The following YWHAG variants were observed in gnomAD, a reference collection of about 807,000 sequenced individuals.
The protein encoded by YWHAG is 14-3-3 protein gamma.
A neutral mutation model predicts 23.3 loss-of-function variants in YWHAG; 1 was observed. That is an observed-to-expected ratio of 0.04 (90% CI 0.02 to 0.20). The LOEUF is 0.20. Ranked by LOEUF, YWHAG falls within the 10% of genes least tolerant of loss-of-function variation. The probability of loss-of-function intolerance (pLI) is 1.00; values close to 1 mark genes in which losing one functional copy is unlikely to be tolerated. For synonymous variants in YWHAG, 160 were observed against 144.0 expected, an observed-to-expected ratio of 1.11 and a Z score of -0.80; for missense variants, 151 against 338.6, an observed-to-expected ratio of 0.45 and a Z score of 4.35.
chr7:76,341,437 T>G (rs1159825042), intron 1 of YWHAG, among the ~76,000 whole-genome samples: 2 of 104,472 alleles, frequency 1.9e-5, no homozygotes, highest in Non-Finnish European at 3.9e-5. Context: ...AAAAGAGAAA[T>G]CTTGTAATGT....
chr7:76,338,208 T>C (rs1203737043), intron 1 of YWHAG, among the ~76,000 whole-genome samples: 1 of 152,188 alleles, frequency 6.6e-6, no homozygotes, highest in East Asian at 1.9e-4. Flanking sequence ...CATAGCAAAC[T>C]GCATGGAAAC....
Position 76,334,279 on chromosome 7 carries a change from TAA to T in YWHAG, c.88-4048_88-4047del, listed in dbSNP as rs1803586352. Among the ~76,000 whole-genome samples the T allele has an allele frequency of 3.3e-5, 5 of 152,322 alleles. No individual in the cohort carries two copies. The East Asian group carries it at 9.6e-4, about 29-fold the overall frequency. ...CATATTAGTTTTAAAGGTCAACAGA[TAA>T]CCTCTTAAAAGAACAAGTTATTCTA... On this transcript the variant is annotated intron_variant, in intron 1 of 1. Coordinates refer to ENST00000307630, the MANE Select transcript of YWHAG (RefSeq NM_012479.4).
At position 76,358,851 on chromosome 7, in the gene YWHAG, G is replaced by C. The variant is rs766270143; in HGVS notation, c.-43C>G. On this transcript the variant is annotated 5_prime_UTR_variant, in exon 1 of 2. Transcript: ENST00000307630. ...TGGCCGGAGAAGGAGGAGGACACTGGGGCGGCCTGAAGGGCTTGGAGGGCG... is the reference window on the plus strand; with the variant it reads ...TGGCCGGAGAAGGAGGAGGACACTGCGGCGGCCTGAAGGGCTTGGAGGGCG... 1 of 1,563,746 alleles carries C rather than the reference G, an allele frequency of 6.4e-7. No homozygotes were observed. The highest frequency in any genetic ancestry group is 8.7e-7 in the Non-Finnish European group (1 of 1,153,716).
intron 1 of YWHAG, among the ~76,000 whole-genome samples, chr7:76,353,687 A>G (rs1803906659): frequency 6.6e-6 from 1 of 152,242 alleles, no homozygotes; most frequent in Non-Finnish European, 1.5e-5. Flanking sequence ...AATTTGGGGA[A>G]GATACAGAAA....
intron 1 of YWHAG, among the ~76,000 whole-genome samples, chr7:76,334,844 G>C (rs537944312): frequency 7.2e-5 from 11 of 152,246 alleles, no homozygotes; most frequent in African/African-American, 2.6e-4. Context: ...TCAGGCTCAG[G>C]TGATCCTCCC....
chr7:76,340,788 A>C (rs1803681181), intron 1 of YWHAG, among the ~76,000 whole-genome samples: 1 of 152,236 alleles, frequency 6.6e-6, no homozygotes, highest in Admixed American at 6.5e-5. Flanking sequence ...TAAGAATTGT[A>C]GCAGTTTCTC....
intron 1 of YWHAG, among the ~76,000 whole-genome samples, chr7:76,346,197 C>T (rs73703146): frequency 0.013 from 1,927 of 152,244 alleles, 42 homozygotes; most frequent in African/African-American, 0.043. Flanking sequence ...CCCTGATGAC[C>T]GCTCTTTCCT....
intron 1 of YWHAG, among the ~76,000 whole-genome samples, chr7:76,334,750 A>G (rs1803593709): frequency 6.7e-6 from 1 of 148,698 alleles, no homozygotes; most frequent in South Asian, 2.1e-4. Flanking sequence ...AAAGAAAGAA[A>G]GAAAAGAAAA....
intron 1 of YWHAG, among the ~76,000 whole-genome samples, chr7:76,345,812 G>C (rs966173359): frequency 3.3e-5 from 5 of 152,052 alleles, no homozygotes; most frequent in Non-Finnish European, 7.4e-5. Flanking sequence ...GCACGAGCCT[G>C]TAATCCCAGC....
intron 1 of YWHAG, among the ~76,000 whole-genome samples, chr7:76,336,745 G>A (rs2860220): frequency 6.6e-5 from 10 of 150,610 alleles, no homozygotes; most frequent in South Asian, 2.1e-4. Context: ...CGTGAGCCAC[G>A]GTGCCCGGTC....
chr7:76,336,591 A>C (rs1803619326), intron 1 of YWHAG, among the ~76,000 whole-genome samples: 1 of 151,048 alleles, frequency 6.6e-6, no homozygotes, highest in Non-Finnish European at 1.5e-5. Context: ...AGTAGCTGGG[A>C]TTACAGGCAC....
In YWHAG at chr7:76,329,905, G is replaced by C. The variant is rs1246308613; in HGVS notation, c.416C>G (p.Thr139Ser). 1 of 1,613,928 alleles carries C rather than the reference G, an allele frequency of 6.2e-7. No individual in the cohort carries two copies. Among genetic ancestry groups the C allele is most frequent in the Non-Finnish European group, 8.5e-7 (1 of 1,179,964 alleles). Residue 139 changes from threonine (T) to serine (S), a missense_variant, in exon 2 of 2, where the codon ACC becomes AGC. Thr to Ser is a moderately conservative substitution (Grantham distance 58). Coordinates refer to ENST00000307630, the MANE Select transcript of YWHAG (RefSeq NM_012479.4). The surrounding 1 kb of genome is among the most constrained non-coding windows in gnomAD (Gnocchi z 6.1). ...DYYRYLAEVATGEKRATVVES... is the reference protein window; with the variant it reads ...DYYRYLAEVASGEKRATVVES... ...CACCACCGTCGCCCTTTTCTCTCCG[G>C]TGGCCACTTCAGCCAGGTAGCGGTA...
chr7:76,334,425 TTTG>T (rs768183692), intron 1 of YWHAG, among the ~76,000 whole-genome samples: 113 of 152,156 alleles, frequency 7.4e-4, no homozygotes, highest in Non-Finnish European at 1.4e-3. Context: ...AGTCATTAAA[TTTG>T]TTGTTGTTGT....
chr7:76,358,940 G>A lies in YWHAG; in HGVS notation c.-132C>T. 5.0e-6 allele frequency: 4 copies of A among 792,932 alleles called. No individual in the cohort carries two copies. The highest frequency in any genetic ancestry group is 7.2e-6 in the Non-Finnish European group (4 of 558,980). The allele number at this position is 792,932 out of a possible 1,614,324, so 49.1% of individuals were successfully genotyped here. A position where few individuals can be genotyped will look rare whatever the true frequency, so the allele number is the denominator to read the frequency against. On this transcript the variant is annotated 5_prime_UTR_variant, in exon 1 of 2. Coordinates refer to ENST00000307630, the MANE Select transcript of YWHAG (RefSeq NM_012479.4). ...AGCGAGCAGCTGAGGCGGCGGCTGC[G>A]CGGAGGAGGCGGCTGGAGCTGCGAC...
At chr7:76,358,435 G>A (rs1264036040) in intron 1 of YWHAG, among the ~76,000 whole-genome samples, 1 of 152,206 alleles carries the variant, frequency 6.6e-6, no homozygotes, top group African/African-American at 2.4e-5. Context: ...AGAGCCGCGG[G>A]GGCCGGAGAC....
At chr7:76,343,833 CTG>C (rs1803735811) in intron 1 of YWHAG, among the ~76,000 whole-genome samples, 1 of 152,196 alleles carries the variant, frequency 6.6e-6, no homozygotes, top group African/African-American at 2.4e-5. Flanking sequence ...AGGTGAGAGA[CTG>C]TGGGTGAGGC....
intron 1 of YWHAG, among the ~76,000 whole-genome samples, chr7:76,352,345 C>G (rs1271766162): frequency 6.6e-6 from 1 of 152,200 alleles, no homozygotes; most frequent in Non-Finnish European, 1.5e-5. Context: ...CTGCCCACGG[C>G]AGCTGCTCTT....
rs1174748240 is a variant in YWHAG at position 76,327,732 on chromosome 7, G to C, written c.*1845C>G. On this transcript the variant is annotated 3_prime_UTR_variant, in exon 2 of 2. Coordinates refer to ENST00000307630, the MANE Select transcript of YWHAG (RefSeq NM_012479.4). The stretch of plus-strand genomic sequence containing the variant: ...TGGCAATGACTTTAGGCGCCTGTGA[G>C]AGGCACAAAAGCGGCAAAGCTTCTT... The C allele has an allele frequency of 1.5e-5, 2 of 137,550 alleles. No individual in the cohort carries two copies. The highest frequency in any genetic ancestry group is 5.6e-5 in the African/African-American group (2 of 35,814). 8.5% of individuals were successfully genotyped at this position (137,550 alleles called of 1,614,324 possible).
At chr7:76,350,108 G>A (rs1449451834) in intron 1 of YWHAG, among the ~76,000 whole-genome samples, 6 of 152,114 alleles carry the variant, frequency 3.9e-5, no homozygotes, top group Non-Finnish European at 5.9e-5. Context: ...GGGGGTTACT[G>A]TACTATTTGT....
Sources: gnomAD v4.1 joint callset for allele counts (sites outside exome capture counted in the v4.1 genomes callset) on GRCh38, gnomAD v4.1.1 for gene constraint, Gnocchi (gnomAD v3.1) non-coding constraint, MANE v1.5 for transcripts, NCBI Gene and HGNC (gene_info 2026-07-23, HGNC 2026-07-21) for gene names.